The following SF3B1 variants were observed in gnomAD, a reference collection of about 807,000 sequenced individuals.
SF3B1 encodes the protein pre-mRNA processing 10.
In SF3B1, 12 loss-of-function variants were observed where a neutral mutation model predicts 153.8. That is an observed-to-expected ratio of 0.08 (90% CI 0.05 to 0.13). The LOEUF (loss-of-function observed/expected upper bound fraction) is 0.13, where lower values mean the gene tolerates loss of function less well. Among genes scored for constraint, SF3B1 ranks in the 10% least tolerant of loss-of-function variants. The probability of loss-of-function intolerance (pLI) is 1.00; values close to 1 mark genes in which losing one functional copy is unlikely to be tolerated. For missense variants in SF3B1, 513 were observed against 1,606.1 expected, an observed-to-expected ratio of 0.32 and a Z score of 11.63; for synonymous variants, 498 against 525.2, an observed-to-expected ratio of 0.95 and a Z score of 0.71.
chr2:197,393,210 T>G (rs2084833163), intron 23 of SF3B1, 22 bp from the exon 24 acceptor site: 2 of 1,525,002 alleles, frequency 1.3e-6, no homozygotes, highest in Middle Eastern at 1.7e-4. Flanking sequence ...GGGAAAAAAG[T>G]CCTTTAAGAT....
At position 197,408,055 on chromosome 2, in the gene SF3B1, C is replaced by T. The variant is rs952676655; in HGVS notation, c.1182G>A (p.Glu394=). 6 of 1,613,260 alleles carry T rather than the reference C, an allele frequency of 3.7e-6. No homozygotes were observed. The highest frequency in any genetic ancestry group is 5.1e-6 in the Non-Finnish European group (6 of 1,179,280). Residue 394 remains glutamate (E), a synonymous_variant, in exon 9 of 25, where the codon GAG becomes GAA. Coordinates refer to ENST00000335508, the MANE Select transcript of SF3B1 (RefSeq NM_012433.4). The part of the protein sequence containing the change: ...QAWRWEREID[E]RNRPLSDEEL... ...CCTCATCAGAAAGTGGGCGATTTCT[C>T]TCATCAATTTCTCTTTCCCACCGCC... is the stretch of plus-strand genomic sequence containing the variant.
At chr2:197,435,082 G>A, upstream of SF3B1, 1 of 1,601,762 alleles carries the variant, frequency 6.2e-7, no homozygotes. Context: ...AAATAGCTGG[G>A]GGCTGCACTC....
At chr2:197,410,155 GAA>G (rs1156930410) in intron 6 of SF3B1, 148 bp from the exon 7 acceptor site, 1 of 558,956 alleles carries the variant, frequency 1.8e-6, no homozygotes, top group South Asian at 2.6e-5. Flanking sequence ...CTACTTATAG[GAA>G]AAGATACCTA....
intron 23 of SF3B1, 91 bp downstream of exon 23, chr2:197,395,965 C>T: frequency 8.8e-7 from 1 of 1,131,168 alleles, no homozygotes; most frequent in Non-Finnish European, 1.3e-6. Flanking sequence ...AACTATGTTA[C>T]AGTAAAAAGT....
chr2:197,393,731 G>A (rs963803335), intron 23 of SF3B1, among the ~76,000 whole-genome samples: 3 of 152,128 alleles, frequency 2.0e-5, no homozygotes, highest in East Asian at 1.9e-4. Flanking sequence ...GATTACAGGC[G>A]TGAGCCACCG....
At position 197,400,001 on chromosome 2, in the gene SF3B1, A is replaced by T. The variant is rs912451802; in HGVS notation, c.3013+54T>A. 3 of 1,246,172 alleles carry T rather than the reference A, an allele frequency of 2.4e-6. No individual in the cohort carries two copies. In the African/African-American group the frequency reaches 4.6e-5, roughly 19 times the overall value. The allele number at this position is 1,246,172 out of a possible 1,614,324, so 77.2% of individuals were successfully genotyped here. A position where few individuals can be genotyped will look rare whatever the true frequency, so the allele number is the denominator to read the frequency against. On this transcript the variant is annotated intron_variant, in intron 20 of 24. Coordinates refer to ENST00000335508, the MANE Select transcript of SF3B1 (RefSeq NM_012433.4). The surrounding 1 kb of genome is among the most constrained non-coding windows in gnomAD (Gnocchi z 5.0). ...TAAGATTTTACTTACGAAAAAAAAA[A>T]GAAAAAGAAAGTTAAAACAAGAAAA...
At chr2:197,396,392 A>C in intron 22 of SF3B1, 64 bp from the exon 23 acceptor site, 1 of 1,389,098 alleles carries the variant, frequency 7.2e-7, no homozygotes, top group Non-Finnish European at 9.8e-7. Flanking sequence ...GGAAGAAAAA[A>C]ATGCATAAAG....
Position 197,402,577 on chromosome 2 carries a change from A to C in SF3B1, c.2056T>G (p.Leu686Val). The change falls in exon 14 of 25, where the codon TTA becomes GTA. Residue 686 changes from leucine (L) to valine (V), a missense_variant. Coordinates refer to ENST00000335508, the MANE Select transcript of SF3B1 (RefSeq NM_012433.4). This position sits in a 1 kb window ranked among gnomAD's most constrained non-coding sequence, Gnocchi z 4.6. ...TTACCATGTTCAATGATTTCAACTAAACTTCTAAGATGTGGCAAGATGGCA... is the reference window on the plus strand; with the variant it reads ...TTACCATGTTCAATGATTTCAACTACACTTCTAAGATGTGGCAAGATGGCA... ...GCAILPHLRSLVEIIEHGLVD... is the reference protein window; with the variant it reads ...GCAILPHLRSVVEIIEHGLVD... The C allele has an allele frequency of 6.2e-7, 1 of 1,613,782 alleles. No individual in the cohort carries two copies.
chr2:197,416,970 A>G, intron 5 of SF3B1, 59 bp from the exon 6 acceptor site: 1 of 1,515,458 alleles, frequency 6.6e-7, no homozygotes, highest in Non-Finnish European at 9.0e-7. Context: ...TTCTACCATT[A>G]GCGCAATCAC....
intron 23 of SF3B1, among the ~76,000 whole-genome samples, chr2:197,394,690 G>A (rs2084855167): frequency 6.6e-6 from 1 of 152,180 alleles, no homozygotes; most frequent in Non-Finnish European, 1.5e-5. Context: ...TAGATCACGA[G>A]GTCAGGAGAT....
At chr2:197,418,698 A>G (rs2085193733) in intron 4 of SF3B1, 110 bp from the exon 5 acceptor site, 2 of 1,456,856 alleles carry the variant, frequency 1.4e-6, no homozygotes, top group African/African-American at 1.4e-5. Flanking sequence ...TAATCATTTA[A>G]ATTATTTTTT....
chr2:197,404,890 T>G (rs2084973668), intron 11 of SF3B1, 186 bp downstream of exon 11: 1 of 482,998 alleles, frequency 2.1e-6, no homozygotes, highest in Non-Finnish European at 3.7e-6. Context: ...TTTAAAAATA[T>G]AAACATGGCC....
At chr2:197,421,678 G>C (rs2106012194) in intron 2 of SF3B1, among the ~76,000 whole-genome samples, 1 of 152,174 alleles carries the variant, frequency 6.6e-6, no homozygotes, top group African/African-American at 2.4e-5. Context: ...TTTGAGACTA[G>C]CCTAGGCAAC....
Position 197,401,661 on chromosome 2 carries a change from G to C in SF3B1, c.2370+81C>G, listed in dbSNP as rs1459623516. On this transcript the variant is annotated intron_variant, in intron 16 of 24. Coordinates refer to ENST00000335508, the MANE Select transcript of SF3B1 (RefSeq NM_012433.4). The surrounding 1 kb of genome is among the most constrained non-coding windows in gnomAD (Gnocchi z 4.2). The stretch of plus-strand genomic sequence containing the variant: ...ATTCGTGTAACATACAGTTTTTTTT[G>C]TTGATTTTTAAAAACACTTTAAAAT... 6.7e-7 allele frequency: 1 copy of C among 1,503,654 alleles called. No homozygotes were observed. The highest frequency in any genetic ancestry group is 1.2e-5 in the South Asian group (1 of 81,404). The allele number at this position is 1,503,654 out of a possible 1,614,324, so 93.1% of individuals were successfully genotyped here.
intron 1 of SF3B1, among the ~76,000 whole-genome samples, chr2:197,430,518 G>C (rs749965489): frequency 2.0e-5 from 3 of 152,156 alleles, no homozygotes; most frequent in Non-Finnish European, 4.4e-5. Context: ...GCAGTGGCAC[G>C]ATCTCGGCTC....
At chr2:197,423,129 G>A (rs1322465275) in intron 2 of SF3B1, among the ~76,000 whole-genome samples, 2 of 152,148 alleles carry the variant, frequency 1.3e-5, no homozygotes, top group African/African-American at 4.8e-5. Flanking sequence ...GCTCAAGCCT[G>A]TAATCGCAGC....
chr2:197,409,491 T>C (rs1369347796), intron 7 of SF3B1, among the ~76,000 whole-genome samples: 1 of 152,034 alleles, frequency 6.6e-6, no homozygotes, highest in African/African-American at 2.4e-5. Context: ...GAGCCTAGGA[T>C]GTCAAGGCTA....
At position 197,400,227 on chromosome 2, in the gene SF3B1, G is replaced by A; in HGVS notation, c.2901+25C>T. 4 of 1,612,126 alleles carry A rather than the reference G, an allele frequency of 2.5e-6. No homozygotes were observed. Among genetic ancestry groups the A allele is most frequent in the Non-Finnish European group, 3.4e-6 (4 of 1,178,524 alleles). On this transcript the variant is annotated intron_variant, in intron 19 of 24. Coordinates refer to ENST00000335508, the MANE Select transcript of SF3B1 (RefSeq NM_012433.4). The surrounding 1 kb of genome is among the most constrained non-coding windows in gnomAD (Gnocchi z 5.0). Reference sequence around the variant, plus strand: ...TTACATTAAACTATTTGGGGAAGAAGTAAGAATTTGATGCAAAAGTTTACC... The same window carrying A: ...TTACATTAAACTATTTGGGGAAGAAATAAGAATTTGATGCAAAAGTTTACC...
chr2:197,427,052 T>G (rs1248240340), intron 1 of SF3B1, among the ~76,000 whole-genome samples: 1 of 152,224 alleles, frequency 6.6e-6, no homozygotes, highest in Non-Finnish European at 1.5e-5. Context: ...GCTACTGAAT[T>G]TTAACTATTG....
Sources: allele counts gnomAD v4.1 joint callset (sites outside exome capture counted in the v4.1 genomes callset), GRCh38; gene constraint gnomAD v4.1.1; non-coding constraint Gnocchi (gnomAD v3.1); transcripts MANE v1.5; gene names NCBI Gene and HGNC (gene_info 2026-07-23, HGNC 2026-07-21).